MAP3K13: variants seen among roughly 807,000 people sequenced by gnomAD.
The protein encoded by MAP3K13 is mitogen-activated protein kinase kinase kinase 13.
In MAP3K13, 52 loss-of-function variants were observed where a neutral mutation model predicts 104.0. That is an observed-to-expected ratio of 0.50 (90% CI 0.40 to 0.63). The LOEUF is 0.63. Among genes scored for constraint, MAP3K13 ranks in the 20% least tolerant of loss-of-function variants. MAP3K13 has a pLI of 0.00. For missense variants in MAP3K13, 914 were observed against 1,218.5 expected, an observed-to-expected ratio of 0.75 and a Z score of 3.72; for synonymous variants, 394 against 442.2, an observed-to-expected ratio of 0.89 and a Z score of 1.37.
chr3:185,294,547 C>T (rs1197874129), intron 2 of MAP3K13, among the ~76,000 whole-genome samples: 1 of 152,194 alleles, frequency 6.6e-6, no homozygotes, highest in Non-Finnish European at 1.5e-5. Context: ...CCAACTGCCT[C>T]ATTCTTCCTG....
intron 2 of MAP3K13, among the ~76,000 whole-genome samples, chr3:185,286,375 GT>G (rs1228544491): frequency 6.6e-6 from 1 of 151,692 alleles, no homozygotes; most frequent in African/African-American, 2.4e-5. Flanking sequence ...CTGGTTTCTT[GT>G]TTAGAATTTG....
chr3:185,412,934 A>AC (rs1713533045), intron 1 of MAP3K13, among the ~76,000 whole-genome samples: 1 of 152,126 alleles, frequency 6.6e-6, no homozygotes, highest in Admixed American at 6.6e-5. Flanking sequence ...TTTCACCTAC[A>AC]CTAGTGCTAT....
At chr3:185,343,584 C>G (rs1293880845) in intron 2 of MAP3K13, among the ~76,000 whole-genome samples, 1 of 152,096 alleles carries the variant, frequency 6.6e-6, no homozygotes, top group Non-Finnish European at 1.5e-5. Flanking sequence ...TCCCGAATAG[C>G]TGGGACTACA....
chr3:185,475,062 C>A (rs1210597735), intron 11 of MAP3K13, among the ~76,000 whole-genome samples: 1 of 148,350 alleles, frequency 6.7e-6, no homozygotes, highest in East Asian at 2.0e-4. Flanking sequence ...CCACTGCACT[C>A]CAGACTGGGC....
At chr3:185,438,233 C>T (rs1715148500) in intron 3 of MAP3K13, among the ~76,000 whole-genome samples, 1 of 151,518 alleles carries the variant, frequency 6.6e-6, no homozygotes, top group East Asian at 1.9e-4. Context: ...AAGGTTGAGG[C>T]TGTGTTGAGC....
intron 1 of MAP3K13, among the ~76,000 whole-genome samples, chr3:185,415,772 G>A (rs1713732816): frequency 6.6e-6 from 1 of 151,682 alleles, no homozygotes; most frequent in African/African-American, 2.4e-5. Context: ...TAGTAGAGAC[G>A]AGGTTTCTCC....
At chr3:185,425,523 A>C (rs1714362276) in intron 1 of MAP3K13, among the ~76,000 whole-genome samples, 1 of 152,146 alleles carries the variant, frequency 6.6e-6, no homozygotes, top group Non-Finnish European at 1.5e-5. Flanking sequence ...TTTGAACTGT[A>C]CCTTCTAACT....
chr3:185,326,880 A>G (rs2108701535), intron 2 of MAP3K13, among the ~76,000 whole-genome samples: 1 of 152,360 alleles, frequency 6.6e-6, no homozygotes, highest in South Asian at 2.1e-4. Context: ...TGATAGTTCC[A>G]CAACTTTTTT....
intron 2 of MAP3K13, among the ~76,000 whole-genome samples, chr3:185,344,820 G>A (rs754569654): frequency 6.6e-6 from 1 of 151,856 alleles, no homozygotes; most frequent in East Asian, 1.9e-4. Context: ...TTCACCAGGT[G>A]ATCTGCCTTC....
At chr3:185,379,286 G>A (rs1724590241) in intron 1 of MAP3K13, among the ~76,000 whole-genome samples, 1 of 152,208 alleles carries the variant, frequency 6.6e-6, no homozygotes, top group African/African-American at 2.4e-5. Flanking sequence ...CGTGACAGAC[G>A]CCGGAGTTTT....
At chr3:185,456,793 G>T (rs989524872) in intron 7 of MAP3K13, among the ~76,000 whole-genome samples, 1 of 151,902 alleles carries the variant, frequency 6.6e-6, no homozygotes, top group Non-Finnish European at 1.5e-5. Flanking sequence ...GTAGAGACAG[G>T]TTTCACCACG....
intron 2 of MAP3K13, among the ~76,000 whole-genome samples, chr3:185,354,407 C>G (rs577289701): frequency 6.7e-6 from 1 of 149,998 alleles, no homozygotes; most frequent in South Asian, 2.1e-4. Flanking sequence ...CCGTTTGAAG[C>G]CTATAGGTTA....
Position 185,487,789 on chromosome 3 carries a change from T to C in MAP3K13, c.*5333T>C, listed in dbSNP as rs955532936. ...CCAAGACCAAGACCAACATTATGTATTGAGCATCGTATCTTTCCTACTGAG... is the reference window on the plus strand; with the variant it reads ...CCAAGACCAAGACCAACATTATGTACTGAGCATCGTATCTTTCCTACTGAG... On this transcript the variant is annotated 3_prime_UTR_variant, in exon 14 of 14. Coordinates refer to ENST00000265026, the MANE Select transcript of MAP3K13 (RefSeq NM_004721.5). The C allele has an allele frequency of 7.2e-5, 11 of 152,212 alleles. No homozygotes were observed. The highest frequency in any genetic ancestry group is 3.3e-4 in the Admixed American group (5 of 15,282). 9.4% of individuals were successfully genotyped at this position (152,212 alleles called of 1,614,324 possible). A position where few individuals can be genotyped will look rare whatever the true frequency, so the allele number is the denominator to read the frequency against.
At chr3:185,378,577 T>C (rs1724551004) in intron 1 of MAP3K13, among the ~76,000 whole-genome samples, 1 of 151,666 alleles carries the variant, frequency 6.6e-6, no homozygotes, top group African/African-American at 2.4e-5. Flanking sequence ...TGAGGAAGAA[T>C]TGGGACCTGG....
chr3:185,475,873 AT>A (rs2148925998), intron 11 of MAP3K13, among the ~76,000 whole-genome samples: 1 of 152,182 alleles, frequency 6.6e-6, no homozygotes, highest in South Asian at 2.1e-4. Context: ...AATACATAAA[AT>A]TGTGTTTCAG....
intron 2 of MAP3K13, among the ~76,000 whole-genome samples, chr3:185,336,897 T>C (rs1722525938): frequency 6.6e-6 from 1 of 152,144 alleles, no homozygotes; most frequent in Non-Finnish European, 1.5e-5. Context: ...TACTTCCTCA[T>C]GTGCCATCTT....
chr3:185,334,602 TC>T (rs1210277187), intron 2 of MAP3K13, among the ~76,000 whole-genome samples: 1 of 62,494 alleles, frequency 1.6e-5, no homozygotes, highest in Non-Finnish European at 4.6e-5. Flanking sequence ...CAATGGATTT[TC>T]TTTTTTTTTT....
chr3:185,336,481 G>T (rs372197224), intron 2 of MAP3K13, among the ~76,000 whole-genome samples: 1 of 150,856 alleles, frequency 6.6e-6, no homozygotes, highest in Non-Finnish European at 1.5e-5. Context: ...GGCGGAGGCT[G>T]CAGTAAGCCG....
At chr3:185,395,705 GA>G (rs60669831) in intron 1 of MAP3K13, among the ~76,000 whole-genome samples, 105,772 of 150,540 alleles carry the variant, frequency 0.7, 37,714 homozygotes, top group Non-Finnish European at 0.77. Context: ...TTATTTTTGA[GA>G]CGGAGTCTTG....
Sources: gnomAD v4.1 joint callset for allele counts (sites outside exome capture counted in the v4.1 genomes callset) on GRCh38, gnomAD v4.1.1 for gene constraint, MANE v1.5 for transcripts, NCBI Gene and HGNC (gene_info 2026-07-23, HGNC 2026-07-21) for gene names.